IFT74: variants seen among roughly 807,000 people sequenced by gnomAD.
IFT74 encodes the protein intraflagellar transport protein 74 homolog.
A neutral mutation model predicts 96.7 loss-of-function variants in IFT74; 92 were observed. The observed-to-expected ratio is 0.95, with a 90% CI of 0.80 to 1.13. IFT74 has a LOEUF of 1.13. IFT74 is among the 50% of genes most tolerant of loss of function. The pLI is 0.00. For synonymous variants in IFT74, 223 were observed against 213.2 expected, an observed-to-expected ratio of 1.05 and a Z score of -0.40; for missense variants, 811 against 698.2, an observed-to-expected ratio of 1.16 and a Z score of -1.82.
chr9:26,998,620 A>G (rs959475328), intron 8 of IFT74, among the ~76,000 whole-genome samples: 4 of 152,192 alleles, frequency 2.6e-5, no homozygotes, highest in Non-Finnish European at 2.9e-5. Context: ...TATAGTGAGG[A>G]AATTATTTTA....
At chr9:26,981,287 C>T (rs952797855) in intron 4 of IFT74, among the ~76,000 whole-genome samples, 1 of 152,166 alleles carries the variant, frequency 6.6e-6, no homozygotes, top group Non-Finnish European at 1.5e-5. Flanking sequence ...CACTCTGTTG[C>T]CCAGGCTGGA....
Position 27,061,342 on chromosome 9 carries a change from C to A in IFT74, c.1684+691C>A, listed in dbSNP as rs116328835. Among the ~76,000 whole-genome samples the A allele has an allele frequency of 5.5e-3, 835 of 152,328 alleles. 6 individuals carry two copies. The highest frequency in any genetic ancestry group is 0.019 in the African/African-American group (773 of 41,578). On this transcript the variant is annotated intron_variant, in intron 19 of 19. Transcript: ENST00000380062. ...TAAGTTACAAACTGGACAATTTAATCTGTTCAAGCTAGAACTGTATCATCT... is the reference window on the plus strand; with the variant it reads ...TAAGTTACAAACTGGACAATTTAATATGTTCAAGCTAGAACTGTATCATCT...
intron 12 of IFT74, among the ~76,000 whole-genome samples, chr9:27,022,096 C>G (rs546315303): frequency 1.3e-5 from 2 of 152,102 alleles, no homozygotes; most frequent in East Asian, 1.9e-4. Context: ...GTGTCCTTTC[C>G]CCACCTTATG....
Position 26,966,704 on chromosome 9 carries a change from G to C in IFT74, c.120+4617G>C, listed in dbSNP as rs1338285401. ...GATTCTATTTGTTCATTTTTGCTTT[G>C]GTTTCCTTTGCTTGTGGGATATTAC... On this transcript the variant is annotated intron_variant, in intron 2 of 19. Coordinates refer to ENST00000380062, the MANE Select transcript of IFT74 (RefSeq NM_025103.4). Among the ~76,000 whole-genome samples, 31 of 151,830 alleles carry C rather than the reference G, an allele frequency of 2.0e-4. 1 individual carries two copies. The highest frequency in any genetic ancestry group is 2.9e-5 in the Non-Finnish European group (2 of 67,906).
chr9:26,986,828 G>T (rs1197773917), intron 6 of IFT74, among the ~76,000 whole-genome samples: 2 of 151,892 alleles, frequency 1.3e-5, no homozygotes, highest in African/African-American at 4.8e-5. Flanking sequence ...TTGCTGTGTT[G>T]CCCACAATGG....
rs139456311 is a variant in IFT74, at chr9:26,996,375, A to G, written c.587+6180A>G. Reference sequence around the variant, plus strand: ...TTGAATTGCTGATGGGCTGAAAATGAATATAAAGATCTTCAGTTACTGATG... The same window carrying G: ...TTGAATTGCTGATGGGCTGAAAATGGATATAAAGATCTTCAGTTACTGATG... On this transcript the variant is annotated intron_variant, in intron 8 of 19. Transcript: ENST00000380062. The G allele has an allele frequency of 3.3e-3, 5,333 of 1,609,322 alleles. 7 individuals carry two copies. Among genetic ancestry groups the G allele is most frequent in the Non-Finnish European group, 4.2e-3 (4,912 of 1,177,054 alleles).
chr9:27,019,913 G>C (rs1052246374), intron 12 of IFT74, among the ~76,000 whole-genome samples: 1 of 151,496 alleles, frequency 6.6e-6, no homozygotes, highest in African/African-American at 2.4e-5. Context: ...ACATTTATTT[G>C]AAATTTGTAA....
Position 26,984,484 on chromosome 9 carries a change from A to G in IFT74, c.405-15A>G, listed in dbSNP as rs1827546777. The G allele has an allele frequency of 1.2e-6, 2 of 1,607,786 alleles. No homozygotes were observed. Among genetic ancestry groups the G allele is most frequent in the African/African-American group, 1.3e-5 (1 of 74,828 alleles). ...TATGTACATATTTATGAATGTATTT[A>G]TTTTATGCTTTCAGGGCTGAGACTT... On this transcript the variant is annotated splice_polypyrimidine_tract_variant and intron_variant, in intron 5 of 19. Coordinates refer to ENST00000380062, the MANE Select transcript of IFT74 (RefSeq NM_025103.4).
intron 17 of IFT74, among the ~76,000 whole-genome samples, chr9:27,056,107 A>T (rs914768115): frequency 6.6e-6 from 1 of 152,072 alleles, no homozygotes; most frequent in Non-Finnish European, 1.5e-5. Flanking sequence ...ATTTAGACTT[A>T]ATTTGGTAGG....
intron 13 of IFT74, among the ~76,000 whole-genome samples, chr9:27,036,296 G>C (rs968725681): frequency 6.6e-6 from 1 of 152,120 alleles, no homozygotes; most frequent in Non-Finnish European, 1.5e-5. Flanking sequence ...TTTTTCAAGG[G>C]TCAACTGTAT....
chr9:26,992,492 A>G (rs992145087), intron 8 of IFT74, among the ~76,000 whole-genome samples: 4 of 152,172 alleles, frequency 2.6e-5, no homozygotes, highest in African/African-American at 7.2e-5. Context: ...CAGGAGTTCA[A>G]GACCAGCCTG....
intron 2 of IFT74, among the ~76,000 whole-genome samples, chr9:26,964,260 G>C (rs1265540941): frequency 4.1e-5 from 6 of 145,306 alleles, no homozygotes; most frequent in South Asian, 2.3e-4. Flanking sequence ...GTTTGTCAAA[G>C]ATCAGATAGT....
At chr9:27,044,012 G>T (rs1359184765) in intron 13 of IFT74, among the ~76,000 whole-genome samples, 1 of 152,186 alleles carries the variant, frequency 6.6e-6, no homozygotes, top group Non-Finnish European at 1.5e-5. Context: ...GTCCTTAGGA[G>T]AAAGTCCAAA....
intron 16 of IFT74, among the ~76,000 whole-genome samples, chr9:27,051,064 A>G (rs1210478866): frequency 7.2e-5 from 11 of 152,146 alleles, no homozygotes; most frequent in African/African-American, 2.7e-4. Flanking sequence ...TGCTATAGAA[A>G]TATTCGTGTA....
chr9:26,987,136 G>C (rs1460230097), intron 6 of IFT74, among the ~76,000 whole-genome samples: 1 of 151,970 alleles, frequency 6.6e-6, no homozygotes, highest in African/African-American at 2.4e-5. Flanking sequence ...TGTAACCTCC[G>C]CCTCTTGGGT....
intron 2 of IFT74, among the ~76,000 whole-genome samples, chr9:26,965,347 G>A (rs1320110356): frequency 6.6e-6 from 1 of 152,104 alleles, no homozygotes; most frequent in African/African-American, 2.4e-5. Flanking sequence ...ATAATGTTGG[G>A]TCCTATGGTT....
intron 13 of IFT74, among the ~76,000 whole-genome samples, chr9:27,038,066 GC>G (rs1819282270): frequency 1.3e-5 from 2 of 152,138 alleles, no homozygotes; most frequent in South Asian, 4.1e-4. Flanking sequence ...TGTCCTTGAT[GC>G]TAACCTTGAC....
At chr9:26,955,960 A>T (rs1826073312), upstream of IFT74, 1 of 152,348 alleles carries the variant, frequency 6.6e-6, no homozygotes, top group East Asian at 1.9e-4. Flanking sequence ...GGAACGGAAC[A>T]GTTGGTGCCA....
At chr9:26,991,117 T>C (rs1320182738) in intron 8 of IFT74, among the ~76,000 whole-genome samples, 4 of 152,228 alleles carry the variant, frequency 2.6e-5, no homozygotes, top group African/African-American at 9.6e-5. Context: ...CACTCTCTTG[T>C]TACCTCTGCA....
Sources: allele counts gnomAD v4.1 joint callset (sites outside exome capture counted in the v4.1 genomes callset), GRCh38; gene constraint gnomAD v4.1.1; transcripts MANE v1.5; gene names NCBI Gene and HGNC (gene_info 2026-07-23, HGNC 2026-07-21).